SIPA1L1: variants seen among roughly 807,000 people sequenced by gnomAD.
SIPA1L1 encodes signal-induced proliferation-associated 1-like protein 1.
Under a neutral mutation model 162.7 loss-of-function variants are expected in SIPA1L1, and 26 were observed. The ratio of observed to expected loss-of-function variants is 0.16; its 90% CI spans 0.12 to 0.22. The LOEUF (loss-of-function observed/expected upper bound fraction) is 0.22, where lower values mean the gene tolerates loss of function less well. SIPA1L1 is among the 10% of genes least tolerant of loss of function. The pLI is 1.00. For synonymous variants in SIPA1L1, 829 were observed against 837.4 expected, an observed-to-expected ratio of 0.99 and a Z score of 0.17; for missense variants, 1,874 against 2,241.0, an observed-to-expected ratio of 0.84 and a Z score of 3.31.
chr14:71,330,659 G>A lies in SIPA1L1; in HGVS notation c.-465+9478G>A, dbSNP rs1326206389. On this transcript the variant is annotated intron_variant, in intron 2 of 23. Transcript: ENST00000381232. ...TGGGTCAACTCATTGTTGTAGTCTGGGTGGGGTACCCTCTCATGAGGAGGA... is the reference window on the plus strand; with the variant it reads ...TGGGTCAACTCATTGTTGTAGTCTGAGTGGGGTACCCTCTCATGAGGAGGA... 4 of 880,996 alleles carry A rather than the reference G, an allele frequency of 4.5e-6. No homozygotes were observed. The East Asian group carries it at 9.6e-5, about 21-fold the overall frequency. The allele number at this position is 880,996 out of a possible 1,614,324, so 54.6% of individuals were successfully genotyped here.
At chr14:71,726,084 C>T (rs1485033192) in intron 19 of SIPA1L1, among the ~76,000 whole-genome samples, 3 of 152,072 alleles carry the variant, frequency 2.0e-5, no homozygotes, top group Non-Finnish European at 2.9e-5. Context: ...CCCCCTAAAC[C>T]TAAAAAATCA....
At chr14:71,696,824 G>A (rs1163047616) in intron 13 of SIPA1L1, among the ~76,000 whole-genome samples, 1 of 152,210 alleles carries the variant, frequency 6.6e-6, no homozygotes, top group African/African-American at 2.4e-5. Flanking sequence ...GATTGTCATG[G>A]GATTTGAGGA....
chr14:71,615,323 A>T (rs1567317210), intron 5 of SIPA1L1, among the ~76,000 whole-genome samples: 1 of 152,210 alleles, frequency 6.6e-6, no homozygotes, highest in Non-Finnish European at 1.5e-5. Flanking sequence ...AGGTTATGAG[A>T]ACCTTTGGGT....
At chr14:71,700,330 T>G (rs1202575621) in intron 14 of SIPA1L1, among the ~76,000 whole-genome samples, 1 of 151,874 alleles carries the variant, frequency 6.6e-6, no homozygotes, top group Non-Finnish European at 1.5e-5. Flanking sequence ...GGCTGGGAAT[T>G]TGAGTCCAGC....
At chr14:71,454,273 T>C (rs1208672786) in intron 2 of SIPA1L1, among the ~76,000 whole-genome samples, 1 of 152,164 alleles carries the variant, frequency 6.6e-6, no homozygotes, top group Non-Finnish European at 1.5e-5. Context: ...ATGTCCTAAC[T>C]CTGATCTTAT....
chr14:71,528,480 C>A (rs934184207), intron 3 of SIPA1L1, among the ~76,000 whole-genome samples: 2 of 151,736 alleles, frequency 1.3e-5, no homozygotes, highest in African/African-American at 4.8e-5. Flanking sequence ...TATGGTGAAA[C>A]CTTGTCTCTA....
At chr14:71,561,522 A>T (rs971114015) in intron 4 of SIPA1L1, among the ~76,000 whole-genome samples, 2 of 152,172 alleles carry the variant, frequency 1.3e-5, no homozygotes, top group Admixed American at 6.6e-5. Context: ...GCAATTAAAA[A>T]TTTTTTTGTT....
intron 12 of SIPA1L1, among the ~76,000 whole-genome samples, chr14:71,673,272 C>T (rs757212038): frequency 3.3e-5 from 5 of 152,178 alleles, no homozygotes; most frequent in Non-Finnish European, 5.9e-5. Context: ...ATTTCTCTGT[C>T]TCTGGGGAGG....
At chr14:71,456,973 G>C (rs1452371335) in intron 2 of SIPA1L1, among the ~76,000 whole-genome samples, 2 of 152,148 alleles carry the variant, frequency 1.3e-5, no homozygotes, top group African/African-American at 2.4e-5. Context: ...TTGAGGACAA[G>C]GCCTTGCTAC....
chr14:71,624,429 G>T (rs1171595835), intron 7 of SIPA1L1, among the ~76,000 whole-genome samples, 193 bp downstream of exon 7: 1 of 152,074 alleles, frequency 6.6e-6, no homozygotes, highest in African/African-American at 2.4e-5. Flanking sequence ...ATGAAATTCT[G>T]CATGTCAGAA....
intron 4 of SIPA1L1, among the ~76,000 whole-genome samples, chr14:71,543,656 C>T (rs894316700): frequency 1.4e-5 from 2 of 146,598 alleles, no homozygotes; most frequent in South Asian, 2.1e-4. Context: ...TTTTGAGCAT[C>T]TTTTTATGTG....
At chr14:71,428,522 A>C (rs1473662017) in intron 2 of SIPA1L1, among the ~76,000 whole-genome samples, 1 of 151,744 alleles carries the variant, frequency 6.6e-6, no homozygotes, top group Non-Finnish European at 1.5e-5. Flanking sequence ...GTCACGTTCT[A>C]ATTTTCCCCA....
rs76921639 is a variant in SIPA1L1, at chr14:71,606,791, T to C, written c.1499-11966T>C. Among the ~76,000 whole-genome samples the C allele has an allele frequency of 1.2e-4, 19 of 152,178 alleles. No individual in the cohort carries two copies. In the East Asian group the frequency reaches 2.9e-3, roughly 23 times the overall value. ...CAATGATTATTGTACTGTATGTCGTTATGTAAGATGTTAGCACTGGGGGAG... is the reference window on the plus strand; with the variant it reads ...CAATGATTATTGTACTGTATGTCGTCATGTAAGATGTTAGCACTGGGGGAG... On this transcript the variant is annotated intron_variant, in intron 5 of 23. Transcript: ENST00000381232.
At chr14:71,511,109 G>A (rs1396632460) in intron 2 of SIPA1L1, among the ~76,000 whole-genome samples, 1 of 152,178 alleles carries the variant, frequency 6.6e-6, no homozygotes, top group Non-Finnish European at 1.5e-5. Context: ...GAATTAAAGT[G>A]CCTTTTTCCT....
At position 71,738,221 on chromosome 14, in the gene SIPA1L1, C is replaced by A; in HGVS notation, c.5124-20C>A. 3 of 1,148,572 alleles carry A rather than the reference C, an allele frequency of 2.6e-6. No homozygotes were observed. Among genetic ancestry groups the A allele is most frequent in the Non-Finnish European group, 2.6e-6 (2 of 784,036 alleles). The allele number at this position is 1,148,572 out of a possible 1,614,324, so 71.1% of individuals were successfully genotyped here. A position where few individuals can be genotyped will look rare whatever the true frequency, so the allele number is the denominator to read the frequency against. On this transcript the variant is annotated intron_variant, in intron 22 of 23. Coordinates refer to ENST00000381232, the MANE Select transcript of SIPA1L1 (RefSeq NM_001386936.1). ...CCATGGAGGCCCCTGCCAACATGGTCTTTTGTTTCTTGTTCCCAGCAGTAA... is the reference window on the plus strand; with the variant it reads ...CCATGGAGGCCCCTGCCAACATGGTATTTTGTTTCTTGTTCCCAGCAGTAA...
intron 2 of SIPA1L1, among the ~76,000 whole-genome samples, chr14:71,347,160 C>T (rs150283692): frequency 1.7e-3 from 261 of 151,672 alleles, no homozygotes; most frequent in African/African-American, 5.8e-3. Flanking sequence ...GGGGTATCAC[C>T]GCGTTGGCCA....
intron 12 of SIPA1L1, among the ~76,000 whole-genome samples, chr14:71,675,141 G>A (rs2045003745): frequency 6.6e-6 from 1 of 152,214 alleles, no homozygotes; most frequent in Non-Finnish European, 1.5e-5. Flanking sequence ...TGTCACTGCA[G>A]GCAGCATTGG....
intron 8 of SIPA1L1, among the ~76,000 whole-genome samples, chr14:71,657,215 G>T (rs1187623289): frequency 2.0e-5 from 3 of 151,958 alleles, no homozygotes; most frequent in Non-Finnish European, 4.4e-5. Context: ...AGGCATGGTG[G>T]CATGCACTTA....
intron 2 of SIPA1L1, among the ~76,000 whole-genome samples, chr14:71,394,053 G>A (rs769220002): frequency 3.3e-5 from 5 of 152,228 alleles, no homozygotes; most frequent in South Asian, 2.1e-4. Context: ...CTAGGGCAGC[G>A]TTGTTATCTT....
Sources: gnomAD v4.1 joint callset for allele counts (sites outside exome capture counted in the v4.1 genomes callset) on GRCh38, gnomAD v4.1.1 for gene constraint, MANE v1.5 for transcripts, NCBI Gene and HGNC (gene_info 2026-07-23, HGNC 2026-07-21) for gene names.